STAG1: variants seen among roughly 807,000 people sequenced by gnomAD.
STAG1 encodes cohesin subunit SA-1.
A neutral mutation model predicts 170.9 loss-of-function variants in STAG1; 26 were observed. That is an observed-to-expected ratio of 0.15 (90% CI 0.11 to 0.21). The LOEUF (loss-of-function observed/expected upper bound fraction) is 0.21, where lower values mean the gene tolerates loss of function less well. Among genes scored for constraint, STAG1 ranks in the 10% least tolerant of loss-of-function variants. The pLI is 1.00. For synonymous variants in STAG1, 514 were observed against 497.7 expected (o/e 1.03, Z -0.44); for missense variants, 964 against 1,509.5 (o/e 0.64, Z 5.99).
chr3:136,475,443 A>G (rs995151139), intron 10 of STAG1, among the ~76,000 whole-genome samples: 11 of 152,094 alleles, frequency 7.2e-5, no homozygotes, highest in African/African-American at 2.7e-4. Context: ...CATCATGCCC[A>G]GCCAACAGGT....
At chr3:136,679,851 G>A (rs1253126947) in intron 1 of STAG1, among the ~76,000 whole-genome samples, 1 of 150,644 alleles carries the variant, frequency 6.6e-6, no homozygotes, top group African/African-American at 2.4e-5. Flanking sequence ...GCAGTGACCC[G>A]AGATTGCACC....
At chr3:136,465,222 CTTT>C (rs63439962) in intron 12 of STAG1, among the ~76,000 whole-genome samples, 14 of 136,196 alleles carry the variant, frequency 1.0e-4, no homozygotes, top group Admixed American at 8.4e-4. Context: ...TCTTCTACAG[CTTT>C]TTTTTTTTTT....
chr3:136,714,938 AAT>A (rs71714671), intron 1 of STAG1, among the ~76,000 whole-genome samples: 7,907 of 95,434 alleles, frequency 0.083, 335 homozygotes, highest in South Asian at 0.15. Context: ...ATATATATTA[AAT>A]ATATATATAT....
At chr3:136,379,701 T>C (rs1937838603) in intron 22 of STAG1, among the ~76,000 whole-genome samples, 1 of 152,086 alleles carries the variant, frequency 6.6e-6, no homozygotes, top group Non-Finnish European at 1.5e-5. Flanking sequence ...AGAGCAAGAC[T>C]CTATCTCAAC....
chr3:136,638,220 G>A (rs542042162), intron 1 of STAG1, among the ~76,000 whole-genome samples: 123 of 150,322 alleles, frequency 8.2e-4, no homozygotes, highest in African/African-American at 2.8e-3. Context: ...TGCAATCTCC[G>A]CCTCCCAGAT....
chr3:136,733,890 A>G (rs543263245), intron 1 of STAG1, among the ~76,000 whole-genome samples: 13 of 152,212 alleles, frequency 8.5e-5, no homozygotes, highest in South Asian at 8.3e-4. Context: ...GGCGGATCAC[A>G]AGGTCAGGAG....
intron 12 of STAG1, among the ~76,000 whole-genome samples, chr3:136,468,234 G>C (rs1383576502): frequency 1.3e-5 from 2 of 151,940 alleles, no homozygotes; most frequent in Admixed American, 6.6e-5. Flanking sequence ...TTTTTGAAAA[G>C]ATCAACAAAA....
chr3:136,682,432 TA>T (rs1018601901), intron 1 of STAG1, among the ~76,000 whole-genome samples: 14 of 131,276 alleles, frequency 1.1e-4, no homozygotes, highest in African/African-American at 1.1e-4. Flanking sequence ...TTCACAAAAT[TA>T]AAAAAAAAAT....
chr3:136,397,162 C>G (rs146307221), intron 22 of STAG1, among the ~76,000 whole-genome samples: 2 of 152,068 alleles, frequency 1.3e-5, no homozygotes, highest in Admixed American at 1.3e-4. Flanking sequence ...TTATTTGGTT[C>G]TTTATCAAAT....
At chr3:136,599,462 C>T (rs541860548) in intron 4 of STAG1, among the ~76,000 whole-genome samples, 14 of 152,196 alleles carry the variant, frequency 9.2e-5, no homozygotes, top group South Asian at 8.3e-4. Flanking sequence ...GCCCAGGAGA[C>T]GGAGCCTGCA....
intron 9 of STAG1, among the ~76,000 whole-genome samples, chr3:136,490,272 C>T (rs1276486726): frequency 6.6e-6 from 1 of 152,134 alleles, no homozygotes. Flanking sequence ...AACTCCTGAC[C>T]TCAAGTGATC....
intron 1 of STAG1, among the ~76,000 whole-genome samples, chr3:136,745,785 C>T (rs1934907095): frequency 6.6e-6 from 1 of 151,844 alleles, no homozygotes; most frequent in South Asian, 2.1e-4. Context: ...AGAAGAATTG[C>T]TGTAGGCCAT....
intron 1 of STAG1, among the ~76,000 whole-genome samples, chr3:136,691,838 T>C (rs767697230): frequency 1.2e-4 from 18 of 152,214 alleles, no homozygotes; most frequent in Non-Finnish European, 2.4e-4. Context: ...CTACATATCA[T>C]AGTAAGGACA....
chr3:136,347,827 G>A (rs183820653), intron 29 of STAG1, among the ~76,000 whole-genome samples: 1 of 152,240 alleles, frequency 6.6e-6, no homozygotes, highest in East Asian at 1.9e-4. Flanking sequence ...TAATATTCAC[G>A]GGAACTGACA....
At position 136,671,314 on chromosome 3, in the gene STAG1, A is replaced by G. The variant is rs142238007; in HGVS notation, c.-83-40333T>C. On this transcript the variant is annotated intron_variant, in intron 1 of 33. Coordinates refer to ENST00000383202, the MANE Select transcript of STAG1 (RefSeq NM_005862.3). ...TAAAAAGAAAGCACACACACACACA[A>G]AAAATCATACGTGCCATATAGCTTG... is the stretch of plus-strand genomic sequence containing the variant. 3.9e-5 allele frequency among the ~76,000 whole-genome samples: 6 copies of G among 152,040 alleles called. No individual in the cohort carries two copies. The South Asian group carries it at 1.2e-3, about 32-fold the overall frequency.
intron 22 of STAG1, among the ~76,000 whole-genome samples, chr3:136,384,120 A>C (rs1229450082): frequency 6.6e-6 from 1 of 152,128 alleles, no homozygotes; most frequent in South Asian, 2.1e-4. Context: ...GATAAAATTA[A>C]TATGTGGCAA....
intron 30 of STAG1, 28 bp downstream of exon 30, chr3:136,343,804 G>A (rs1321945686): frequency 1.3e-6 from 2 of 1,490,476 alleles, no homozygotes; most frequent in East Asian, 2.4e-5. Flanking sequence ...AAGGCTTTTT[G>A]TGAAAAAGAC....
chr3:136,412,192 T>C (rs533253755), intron 21 of STAG1, among the ~76,000 whole-genome samples: 31 of 152,172 alleles, frequency 2.0e-4, no homozygotes, highest in Non-Finnish European at 3.2e-4. Flanking sequence ...TCTACAGTGA[T>C]ACCAATTTTT....
chr3:136,569,867 TATC>T (rs992270703), intron 4 of STAG1, among the ~76,000 whole-genome samples: 5 of 152,050 alleles, frequency 3.3e-5, no homozygotes, highest in Admixed American at 6.6e-5. Flanking sequence ...CTTCAACAAG[TATC>T]ATATTCTGAA....
Sources: gnomAD v4.1 joint callset for allele counts (sites outside exome capture counted in the v4.1 genomes callset) on GRCh38, gnomAD v4.1.1 for gene constraint, MANE v1.5 for transcripts, NCBI Gene and HGNC (gene_info 2026-07-23, HGNC 2026-07-21) for gene names.